Variants in FCGRT observed in about 807,000 individuals in gnomAD.
FCGRT encodes the protein IgG receptor FcRn large subunit p51.
A neutral mutation model predicts 35.7 loss-of-function variants in FCGRT; 13 were observed. The observed-to-expected ratio is 0.36, with a 90% confidence interval of 0.24 to 0.58. The LOEUF (loss-of-function observed/expected upper bound fraction) is 0.58. Among genes scored for constraint, FCGRT ranks in the 20% least tolerant of loss-of-function variants. FCGRT has a pLI of 0.77. For missense variants in FCGRT, 455 were observed against 474.9 expected, an observed-to-expected ratio of 0.96 and a Z score of 0.39; for synonymous variants, 233 against 216.5, an observed-to-expected ratio of 1.08 and a Z score of -0.67.
chr19:49,518,360 C>CTTTT (rs56352202), intron 4 of FCGRT, among the ~76,000 whole-genome samples: 7 of 133,004 alleles, frequency 5.3e-5, no homozygotes, highest in East Asian at 2.1e-4. Context: ...TTCTTTCTTT[C>CTTTT]TTTTTTTTTT....
At chr19:49,514,535 GC>G (rs1383237300) in intron 4 of FCGRT, 49 bp downstream of exon 4, 2 of 1,485,184 alleles carry the variant, frequency 1.3e-6, no homozygotes, top group Non-Finnish European at 9.0e-7. Context: ...CTCCCGTCAT[GC>G]CCACCTGCCT....
intron 4 of FCGRT, among the ~76,000 whole-genome samples, chr19:49,516,944 C>A (rs528922257): frequency 1.3e-5 from 2 of 151,450 alleles, no homozygotes; most frequent in Non-Finnish European, 2.9e-5. Context: ...AATCCCAGAA[C>A]TTTGGGAGGC....
At chr19:49,518,597 G>A (rs962102325) in intron 4 of FCGRT, among the ~76,000 whole-genome samples, 5 of 152,098 alleles carry the variant, frequency 3.3e-5, no homozygotes, top group Non-Finnish European at 7.4e-5. Flanking sequence ...GCAGAGGCAC[G>A]AACTCGGCTC....
chr19:49,524,808 T>C (rs1465434800), intron 5 of FCGRT, 32 bp downstream of exon 5: 1 of 1,587,426 alleles, frequency 6.3e-7, no homozygotes, highest in East Asian at 2.3e-5. Flanking sequence ...ATGCTCCTGG[T>C]TTCCCGTTGC....
At position 49,514,413 on chromosome 19, in the gene FCGRT, C is replaced by T. The variant is rs749298979; in HGVS notation, c.528C>T (p.Thr176=). The T allele has an allele frequency of 2.5e-6, 4 of 1,602,472 alleles. No homozygotes were observed. The South Asian group carries it at 4.4e-5, about 18-fold the overall frequency. Residue 176 remains threonine (T), a synonymous_variant, in exon 4 of 7, where the codon ACC becomes ACT. Coordinates refer to ENST00000221466, the MANE Select transcript of FCGRT (RefSeq NM_001136019.3). ...QQDKAANKEL[T]FLLFSCPHRL... ...ACAAGGCGGCCAACAAGGAGCTCACCTTCCTGCTATTCTCCTGCCCGCACC... is the reference window on the plus strand; with the variant it reads ...ACAAGGCGGCCAACAAGGAGCTCACTTTCCTGCTATTCTCCTGCCCGCACC...
At chr19:49,525,204 G>A (rs2080067043) in intron 5 of FCGRT, 2 of 526,080 alleles carry the variant, frequency 3.8e-6, no homozygotes, top group Non-Finnish European at 3.5e-6. Context: ...TCTCCCCACT[G>A]CACTGGCACA....
intron 4 of FCGRT, among the ~76,000 whole-genome samples, chr19:49,514,783 T>C (rs1335175570): frequency 2.0e-5 from 3 of 148,586 alleles, no homozygotes; most frequent in Non-Finnish European, 4.4e-5. Flanking sequence ...AACCTCCGCC[T>C]CCCGGGTTCA....
At chr19:49,523,842 A>C (rs906583965) in intron 4 of FCGRT, among the ~76,000 whole-genome samples, 2 of 149,178 alleles carry the variant, frequency 1.3e-5, no homozygotes, top group Non-Finnish European at 3.0e-5. Flanking sequence ...CCTGGGAGAC[A>C]GAGCAAGATT....
chr19:49,514,510 G>T (rs1185773530), intron 4 of FCGRT, 24 bp downstream of exon 4: 1 of 1,528,704 alleles, frequency 6.5e-7, no homozygotes, highest in Non-Finnish European at 8.8e-7. Flanking sequence ...GCAGCCGCAG[G>T]CTGTTCTGTC....
At chr19:49,523,687 C>T (rs1464392273) in intron 4 of FCGRT, among the ~76,000 whole-genome samples, 3 of 151,972 alleles carry the variant, frequency 2.0e-5, no homozygotes, top group East Asian at 2.0e-4. Flanking sequence ...GGTGAAACCC[C>T]GTCTCTACTA....
In FCGRT at chr19:49,514,011, C is replaced by G. The variant is rs756120751; in HGVS notation, c.203C>G (p.Ala68Gly). The G allele has an allele frequency of 1.3e-5, 21 of 1,613,130 alleles. No homozygotes were observed. Among genetic ancestry groups the G allele is most frequent in the Non-Finnish European group, 1.8e-5 (21 of 1,179,982 alleles). ...YLSYNSLRGE[A>G]EPCGAWVWEN... The stretch of plus-strand genomic sequence containing the variant: ...AGCTACAATAGCCTGCGGGGCGAGG[C>G]GGAGCCCTGTGGAGCTTGGGTCTGG... Residue 68 changes from alanine to glycine, a missense_variant, in exon 3 of 7, where the codon GCG becomes GGG. By Grantham distance (60) the Ala-to-Gly change is moderately conservative. Coordinates refer to ENST00000221466, the MANE Select transcript of FCGRT (RefSeq NM_001136019.3).
At chr19:49,525,597 C>A in intron 6 of FCGRT, 24 bp downstream of exon 6, 1 of 1,525,942 alleles carries the variant, frequency 6.6e-7, no homozygotes, top group East Asian at 2.3e-5. Flanking sequence ...GGAGGAAGAG[C>A]CTCTGAGAGA....
intron 4 of FCGRT, among the ~76,000 whole-genome samples, chr19:49,524,276 C>T (rs111508578): frequency 0.095 from 14,452 of 152,144 alleles, 855 homozygotes; most frequent in African/African-American, 0.16. Context: ...CAAAGTGTTG[C>T]GATTACAGGC....
intron 5 of FCGRT, chr19:49,525,085 G>C: frequency 1.7e-6 from 1 of 572,920 alleles, no homozygotes. Flanking sequence ...GGGTCTTCCT[G>C]GAATCTGACC....
intron 1 of FCGRT, among the ~76,000 whole-genome samples, chr19:49,513,000 CG>C (rs2079981745): frequency 9.6e-6 from 1 of 104,538 alleles, no homozygotes; most frequent in Admixed American, 9.7e-5. Flanking sequence ...CTCCTGGGTC[CG>C]AGGGTAGAGC....
intron 5 of FCGRT, 23 bp downstream of exon 5, chr19:49,524,799 T>G (rs1476579722): frequency 6.3e-7 from 1 of 1,593,264 alleles, no homozygotes; most frequent in East Asian, 2.2e-5. Context: ...CAGGTGGTGA[T>G]GCTCCTGGTT....
chr19:49,516,719 G>A (rs911515943), intron 4 of FCGRT, among the ~76,000 whole-genome samples: 24 of 151,440 alleles, frequency 1.6e-4, no homozygotes, highest in African/African-American at 5.1e-4. Context: ...ACCATGCCTG[G>A]CTAATTTTTG....
intron 3 of FCGRT, 21 bp downstream of exon 3, chr19:49,514,154 G>T: frequency 6.2e-7 from 1 of 1,612,482 alleles, no homozygotes; most frequent in South Asian, 1.1e-5. Flanking sequence ...GGTCTGGAGG[G>T]GCAAGGGGCC....
chr19:49,512,850 G>A, intron 1 of FCGRT, 100 bp downstream of exon 1: 1 of 154,298 alleles, frequency 6.5e-6, no homozygotes, highest in South Asian at 1.6e-4. Flanking sequence ...GGGTCTGAGG[G>A]AGGAGGGGTG....
Sources: gnomAD v4.1 joint callset for allele counts (sites outside exome capture counted in the v4.1 genomes callset) on GRCh38, gnomAD v4.1.1 for gene constraint, MANE v1.5 for transcripts, NCBI Gene and HGNC (gene_info 2026-07-23, HGNC 2026-07-21) for gene names.